B3GALT1: variants seen among roughly 807,000 people sequenced by gnomAD.
The protein encoded by B3GALT1 is beta-1,3-galactosyltransferase 1.
Under a neutral mutation model 23.2 loss-of-function variants are expected in B3GALT1, and 10 were observed. The observed-to-expected ratio is 0.43, with a 90% CI of 0.27 to 0.73. The LOEUF (loss-of-function observed/expected upper bound fraction) is 0.73, where lower values mean the gene tolerates loss of function less well. Among genes scored for constraint, B3GALT1 ranks in the 30% least tolerant of loss-of-function variants. The pLI, the probability that B3GALT1 is intolerant of heterozygous loss-of-function variation, is 0.21. For missense variants in B3GALT1, 299 were observed against 405.4 expected, an observed-to-expected ratio of 0.74 and a Z score of 2.25; for synonymous variants, 156 against 141.5, an observed-to-expected ratio of 1.10 and a Z score of -0.73.
chr2:167,833,140 T>G (rs1046102739), intron 4 of B3GALT1, among the ~76,000 whole-genome samples: 1 of 152,206 alleles, frequency 6.6e-6, no homozygotes, highest in African/African-American at 2.4e-5. Flanking sequence ...ACACCTTAGA[T>G]AACACATTAT....
intron 1 of B3GALT1, among the ~76,000 whole-genome samples, chr2:167,419,987 C>T (rs932088741): frequency 2.6e-5 from 4 of 152,218 alleles, no homozygotes; most frequent in South Asian, 2.1e-4. Context: ...GTATTTAAAA[C>T]ATAATTAAAT....
intron 3 of B3GALT1, among the ~76,000 whole-genome samples, chr2:167,762,003 G>A (rs1687905559): frequency 6.6e-6 from 1 of 152,200 alleles, no homozygotes; most frequent in Admixed American, 6.5e-5. Flanking sequence ...AATTTTGAGA[G>A]AGTAAGAATT....
At position 167,867,102 on chromosome 2, in the gene B3GALT1, A is replaced by AT. The variant is rs35693177; in HGVS notation, c.-229-1704dup. Reference sequence around the variant, plus strand: ...CCACTACGCCTGGCTAATTTTTTGTATTTTTAGTAGAGACGGGGTTTCACC... The same window carrying AT: ...CCACTACGCCTGGCTAATTTTTTGTATTTTTTAGTAGAGACGGGGTTTCACC... On this transcript the variant is annotated intron_variant, in intron 4 of 4. Transcript: ENST00000392690. Among the ~76,000 whole-genome samples the AT allele has an allele frequency of 1.5e-4, 23 of 152,112 alleles. No homozygotes were observed. The East Asian group carries it at 2.3e-3, about 15-fold the overall frequency.
intron 1 of B3GALT1, among the ~76,000 whole-genome samples, chr2:167,307,469 G>C (rs1696568072): frequency 6.6e-6 from 1 of 151,920 alleles, no homozygotes; most frequent in Non-Finnish European, 1.5e-5. Context: ...TATTTTTCCT[G>C]TCAAGTGAAA....
chr2:167,590,532 C>A (rs1684661818), intron 2 of B3GALT1, among the ~76,000 whole-genome samples: 1 of 151,748 alleles, frequency 6.6e-6, no homozygotes, highest in African/African-American at 2.4e-5. Flanking sequence ...TAAAATAGAA[C>A]CCAAGGGGGG....
chr2:167,614,173 A>G (rs1334613144), intron 2 of B3GALT1, among the ~76,000 whole-genome samples: 1 of 151,850 alleles, frequency 6.6e-6, no homozygotes, highest in African/African-American at 2.4e-5. Flanking sequence ...AAATGAGCAA[A>G]TAAATGCCTT....
chr2:167,503,674 G>C (rs1415152295), intron 2 of B3GALT1, among the ~76,000 whole-genome samples: 2 of 151,942 alleles, frequency 1.3e-5, no homozygotes, highest in African/African-American at 4.8e-5. Flanking sequence ...TTCTCTTCTT[G>C]AACAGCTTAT....
chr2:167,523,052 C>T (rs1046602057), intron 2 of B3GALT1, among the ~76,000 whole-genome samples: 2 of 152,262 alleles, frequency 1.3e-5, no homozygotes, highest in East Asian at 3.9e-4. Context: ...TGCCACTGGA[C>T]ACCCATGACT....
intron 1 of B3GALT1, among the ~76,000 whole-genome samples, chr2:167,442,177 A>C (rs1176511008): frequency 1.3e-5 from 2 of 151,902 alleles, no homozygotes; most frequent in East Asian, 3.9e-4. Flanking sequence ...ATGATTTCCA[A>C]TTTCATCCAT....
At chr2:167,807,055 GT>G (rs1227409737) in intron 3 of B3GALT1, among the ~76,000 whole-genome samples, 1 of 152,126 alleles carries the variant, frequency 6.6e-6, no homozygotes, top group Non-Finnish European at 1.5e-5. Flanking sequence ...GGGTGTATGT[GT>G]CGAGGAACTT....
intron 2 of B3GALT1, among the ~76,000 whole-genome samples, chr2:167,640,182 A>G (rs1685625523): frequency 6.6e-6 from 1 of 151,934 alleles, no homozygotes; most frequent in Non-Finnish European, 1.5e-5. Context: ...TTTTTCCCTT[A>G]GAAAAAAAAT....
At chr2:167,545,566 C>T (rs16853738) in intron 2 of B3GALT1, among the ~76,000 whole-genome samples, 6,702 of 152,178 alleles carry the variant, frequency 0.044, 284 homozygotes, top group African/African-American at 0.12. Context: ...AGGGAAGTCC[C>T]TATTGTCCCA....
At chr2:167,494,560 C>T (rs1293379330) in intron 2 of B3GALT1, among the ~76,000 whole-genome samples, 1 of 152,034 alleles carries the variant, frequency 6.6e-6, no homozygotes, top group Non-Finnish European at 1.5e-5. Flanking sequence ...ATTATATCTA[C>T]ATAAAATAGC....
chr2:167,726,381 C>T (rs796602879), intron 3 of B3GALT1, among the ~76,000 whole-genome samples: 1 of 152,198 alleles, frequency 6.6e-6, no homozygotes. Context: ...CCACCTGCCC[C>T]TTGTCCAGGC....
chr2:167,454,215 ACGCGCGCGTG>A (rs1699133357), intron 1 of B3GALT1, among the ~76,000 whole-genome samples: 1 of 148,922 alleles, frequency 6.7e-6, no homozygotes, highest in Non-Finnish European at 1.5e-5. Flanking sequence ...GTGTGTGCGC[ACGCGCGCGTG>A]CACGTGTGTG....
chr2:167,430,710 G>A (rs1285712629), intron 1 of B3GALT1, among the ~76,000 whole-genome samples: 4 of 152,150 alleles, frequency 2.6e-5, no homozygotes, highest in African/African-American at 2.4e-5. Context: ...ACTAGATGAG[G>A]TAAGAGGGGC....
At chr2:167,355,996 A>G (rs1490786374) in intron 1 of B3GALT1, among the ~76,000 whole-genome samples, 1 of 152,200 alleles carries the variant, frequency 6.6e-6, no homozygotes, top group Non-Finnish European at 1.5e-5. Context: ...ACAGTTTCCT[A>G]GTTCTACAGT....
intron 1 of B3GALT1, among the ~76,000 whole-genome samples, chr2:167,327,641 A>T (rs1363445479): frequency 1.3e-5 from 2 of 150,748 alleles, no homozygotes; most frequent in South Asian, 2.1e-4. Flanking sequence ...TTGTTTTTTT[A>T]AAATATAAGA....
At chr2:167,445,027 C>T (rs1698958382) in intron 1 of B3GALT1, among the ~76,000 whole-genome samples, 1 of 152,220 alleles carries the variant, frequency 6.6e-6, no homozygotes, top group South Asian at 2.1e-4. Context: ...CCTCTACACA[C>T]TGCTTTAAAT....
Sources: gnomAD v4.1 joint callset for allele counts (sites outside exome capture counted in the v4.1 genomes callset) on GRCh38, gnomAD v4.1.1 for gene constraint, MANE v1.5 for transcripts, NCBI Gene and HGNC (gene_info 2026-07-23, HGNC 2026-07-21) for gene names.